MXI1: variants seen among roughly 807,000 people sequenced by gnomAD.
The protein encoded by MXI1 is max-interacting protein 1.
A neutral mutation model predicts 36.9 loss-of-function variants in MXI1; 18 were observed. The observed-to-expected ratio is 0.49, with a 90% CI of 0.34 to 0.72. MXI1 has a LOEUF of 0.72. Among genes scored for constraint, MXI1 ranks in the 30% least tolerant of loss-of-function variants. The probability of loss-of-function intolerance (pLI) is 0.01; values close to 1 mark genes in which losing one functional copy is unlikely to be tolerated. For missense variants in MXI1, 304 were observed against 379.1 expected (o/e 0.80, Z 1.64); for synonymous variants, 160 against 146.7 (o/e 1.09, Z -0.65).
intron 2 of MXI1, 28 bp from the exon 3 acceptor site, chr10:110,244,800 A>G: frequency 6.6e-7 from 1 of 1,524,076 alleles, no homozygotes; most frequent in Non-Finnish European, 8.9e-7. Flanking sequence ...AAGCATGGCT[A>G]ATGCTTTTTT....
chr10:110,228,955 T>C (rs1855161374), intron 2 of MXI1, among the ~76,000 whole-genome samples: 1 of 152,214 alleles, frequency 6.6e-6, no homozygotes, highest in South Asian at 2.1e-4. Context: ...CCTAGTGGCT[T>C]ACGCCTGTAA....
At chr10:110,283,907 C>T (rs973051502) in intron 5 of MXI1, among the ~76,000 whole-genome samples, 19 of 151,654 alleles carry the variant, frequency 1.3e-4, no homozygotes, top group African/African-American at 4.1e-4. Context: ...CTTGGCCTCC[C>T]GAGTAGCTGG....
intron 1 of MXI1, among the ~76,000 whole-genome samples, chr10:110,212,986 A>G (rs1217548868): frequency 6.6e-6 from 1 of 152,224 alleles, no homozygotes; most frequent in African/African-American, 2.4e-5. Flanking sequence ...GTAGATCCTT[A>G]ATATAAATGT....
chr10:110,223,893 C>T (rs754945596), intron 1 of MXI1, among the ~76,000 whole-genome samples: 3 of 150,850 alleles, frequency 2.0e-5, no homozygotes, highest in Non-Finnish European at 2.9e-5. Context: ...TTTGATGGAA[C>T]GTCTATTTGG....
At chr10:110,255,636 A>G (rs754579218) in intron 3 of MXI1, among the ~76,000 whole-genome samples, 1 of 152,220 alleles carries the variant, frequency 6.6e-6, no homozygotes, top group African/African-American at 2.4e-5. Context: ...ACTGAAAACT[A>G]TTAATACAAA....
At position 110,216,665 on chromosome 10, in the gene MXI1, G is replaced by GTTTTTTTTTTTTTTTT. The variant is rs10656872; in HGVS notation, c.274+8588_274+8603dup. Among the ~76,000 whole-genome samples the GTTTTTTTTTTTTTTTT allele has an allele frequency of 2.9e-4, 23 of 79,060 alleles. 2 individuals carry two copies. The highest frequency in any genetic ancestry group is 1.0e-3 in the African/African-American group (13 of 12,588). The allele number at this position is 79,060 out of a possible 152,430, so 51.9% of individuals were successfully genotyped here. A position where few individuals can be genotyped will look rare whatever the true frequency, so the allele number is the denominator to read the frequency against. ...CCTGTCTCCCCTATCTGTGTTTAAT[G>GTTTTTTTTTTTTTTTT]TTTTTTTTTTTTTTTTTTTTGGAGA... On this transcript the variant is annotated intron_variant, in intron 1 of 5. Transcript: ENST00000332674.
intron 3 of MXI1, among the ~76,000 whole-genome samples, chr10:110,258,019 A>G (rs1247856214): frequency 6.6e-6 from 1 of 152,238 alleles, no homozygotes; most frequent in East Asian, 1.9e-4. Flanking sequence ...CAAAATTAAG[A>G]CTAGATATTG....
At chr10:110,218,793 C>T (rs991038795) in intron 1 of MXI1, among the ~76,000 whole-genome samples, 9 of 152,152 alleles carry the variant, frequency 5.9e-5, no homozygotes, top group Non-Finnish European at 1.0e-4. Context: ...TGGAGGCGCC[C>T]GAGCTTGTAG....
intron 1 of MXI1, among the ~76,000 whole-genome samples, chr10:110,216,332 T>G (rs747591610): frequency 2.6e-4 from 40 of 152,224 alleles, no homozygotes; most frequent in Non-Finnish European, 5.1e-4. Flanking sequence ...TGTTTATTCA[T>G]TCATTAATTA....
chr10:110,258,538 T>C (rs1856395505), intron 3 of MXI1, among the ~76,000 whole-genome samples: 1 of 152,156 alleles, frequency 6.6e-6, no homozygotes, highest in African/African-American at 2.4e-5. Context: ...CAGAGAGCTA[T>C]ATAATTCATG....
At chr10:110,280,667 G>C (rs1339235290) in intron 5 of MXI1, among the ~76,000 whole-genome samples, 1 of 150,322 alleles carries the variant, frequency 6.7e-6, no homozygotes. Flanking sequence ...GCAACAGAGT[G>C]AGGTTCCGTC....
At chr10:110,227,441 G>A (rs1021983081) in intron 1 of MXI1, 4 of 988,270 alleles carry the variant, frequency 4.0e-6, no homozygotes, top group South Asian at 4.5e-5. Context: ...GGTGTGCGGC[G>A]AGCGGGAAGG....
At chr10:110,278,836 G>T (rs887317434) in intron 3 of MXI1, among the ~76,000 whole-genome samples, 5 of 152,010 alleles carry the variant, frequency 3.3e-5, no homozygotes, top group Admixed American at 2.6e-4. Flanking sequence ...TCTCGCCTGT[G>T]GTTTTAGTTA....
chr10:110,285,044 A>C lies in MXI1; in HGVS notation c.*57A>C. Reference sequence around the variant, plus strand: ...ATATTCACTGGGCCAATTCAATACAAACAATCTCTTAAATTGGGTTCATGA... The same window carrying C: ...ATATTCACTGGGCCAATTCAATACACACAATCTCTTAAATTGGGTTCATGA... On this transcript the variant is annotated 3_prime_UTR_variant, in exon 6 of 6. Transcript: ENST00000332674. 1.3e-6 allele frequency: 2 copies of C among 1,490,752 alleles called. No homozygotes were observed. Among genetic ancestry groups the C allele is most frequent in the East Asian group, 2.4e-5 (1 of 42,540 alleles). 92.3% of individuals were successfully genotyped at this position (1,490,752 alleles called of 1,614,324 possible). A position where few individuals can be genotyped will look rare whatever the true frequency, so the allele number is the denominator to read the frequency against.
chr10:110,238,977 A>C (rs1222652890), intron 2 of MXI1, among the ~76,000 whole-genome samples: 1 of 152,202 alleles, frequency 6.6e-6, no homozygotes, highest in Non-Finnish European at 1.5e-5. Context: ...TTTATTCTTC[A>C]TCAGCCTTAG....
rs1564730538 is a variant in MXI1 at position 110,287,141 on chromosome 10, C to G, written c.*2154C>G. 6.6e-6 allele frequency: 1 copy of G among 152,160 alleles called. No homozygotes were observed. Among genetic ancestry groups the G allele is most frequent in the Non-Finnish European group, 1.5e-5 (1 of 68,030 alleles). The allele number at this position is 152,160 out of a possible 1,614,324, so 9.4% of individuals were successfully genotyped here. A position where few individuals can be genotyped will look rare whatever the true frequency, so the allele number is the denominator to read the frequency against. On this transcript the variant is annotated 3_prime_UTR_variant, in exon 6 of 6. Transcript: ENST00000332674. The stretch of plus-strand genomic sequence containing the variant: ...TTATTTGGGCCTTCATTCAGATGAA[C>G]TTGAGGTGCCATTTTGTTGCATATG...
intron 5 of MXI1, among the ~76,000 whole-genome samples, chr10:110,280,635 A>G (rs1301737943): frequency 4.6e-5 from 7 of 151,484 alleles, no homozygotes; most frequent in Non-Finnish European, 1.0e-4. Flanking sequence ...AGCCGAGATC[A>G]TGCCACTGCG....
intron 1 of MXI1, among the ~76,000 whole-genome samples, chr10:110,216,665 G>GTCTTTTTTTTTTTTTTTTTTTTTTTTT (rs1854644098): frequency 1.3e-5 from 1 of 79,060 alleles, no homozygotes. Flanking sequence ...TGTGTTTAAT[G>GTCTTTTTTTTTTTTTTTTTTTTTTTTT]TTTTTTTTTT....
chr10:110,207,751 G>A lies in MXI1; in HGVS notation c.-58G>A. 1 of 1,099,750 alleles carries A rather than the reference G, an allele frequency of 9.1e-7. No individual in the cohort carries two copies. Among genetic ancestry groups the A allele is most frequent in the Non-Finnish European group, 1.1e-6 (1 of 898,594 alleles). The allele number at this position is 1,099,750 out of a possible 1,614,324, so 68.1% of individuals were successfully genotyped here. ...GGCCGGGTCTCCCTGGGGGCCCGGA[G>A]CTCGGCCGGGCCGCGCAGCCCCGTT... On this transcript the variant is annotated 5_prime_UTR_variant, in exon 1 of 6. Coordinates refer to ENST00000332674, the MANE Select transcript of MXI1 (RefSeq NM_130439.3).
Sources: gnomAD v4.1 joint callset for allele counts (sites outside exome capture counted in the v4.1 genomes callset) on GRCh38, gnomAD v4.1.1 for gene constraint, MANE v1.5 for transcripts, NCBI Gene and HGNC (gene_info 2026-07-23, HGNC 2026-07-21) for gene names.